EYS: variants seen among roughly 807,000 people sequenced by gnomAD.
EYS encodes the protein EGF-like photoreceptor maintenance factor.
In EYS, 250 loss-of-function variants were observed where a neutral mutation model predicts 282.1. That is an observed-to-expected ratio of 0.89 (90% CI 0.80 to 0.98). EYS has a LOEUF of 0.98. Ranked by LOEUF, EYS falls within the 50% of genes least tolerant of loss-of-function variation. The probability of loss-of-function intolerance (pLI) is 0.00; values close to 1 mark genes in which losing one functional copy is unlikely to be tolerated. For synonymous variants in EYS, 1,355 were observed against 1,282.9 expected, an observed-to-expected ratio of 1.06 and a Z score of -1.20; for missense variants, 4,016 against 3,709.0, an observed-to-expected ratio of 1.08 and a Z score of -2.15.
intron 22 of EYS, among the ~76,000 whole-genome samples, chr6:64,646,857 C>T (rs531639098): frequency 2.0e-5 from 3 of 151,224 alleles, no homozygotes; most frequent in South Asian, 2.1e-4. Flanking sequence ...TTGCATTATT[C>T]CTCATGAGCA....
intron 30 of EYS, among the ~76,000 whole-genome samples, chr6:64,296,596 A>ATTTT (rs1561913890): frequency 3.2e-4 from 2 of 6,154 alleles, no homozygotes; most frequent in African/African-American, 7.3e-4. Flanking sequence ...ATATATATAT[A>ATTTT]TATTTTTTTT....
At chr6:63,826,340 TC>T (rs1771459995) in intron 36 of EYS, among the ~76,000 whole-genome samples, 1 of 152,162 alleles carries the variant, frequency 6.6e-6, no homozygotes, top group South Asian at 2.1e-4. Context: ...AGGAAAACTT[TC>T]CCAGCCTTGC....
chr6:64,396,235 TA>T (rs1356234329), intron 28 of EYS, among the ~76,000 whole-genome samples: 1 of 152,300 alleles, frequency 6.6e-6, no homozygotes, highest in East Asian at 1.9e-4. Context: ...TGTGAAATTT[TA>T]AATTGTTGAG....
chr6:64,115,336 T>C (rs1422298693), intron 31 of EYS, among the ~76,000 whole-genome samples: 1 of 151,984 alleles, frequency 6.6e-6, no homozygotes. Flanking sequence ...GTGCTCCAAA[T>C]CCCAACTCTG....
intron 2 of EYS, among the ~76,000 whole-genome samples, chr6:65,539,964 C>A (rs895508192): frequency 6.6e-6 from 1 of 152,198 alleles, no homozygotes; most frequent in Non-Finnish European, 1.5e-5. Context: ...TAGCACGCAG[C>A]CATCTGTGAA....
intron 2 of EYS, among the ~76,000 whole-genome samples, chr6:65,573,466 T>G (rs1189476540): frequency 6.6e-6 from 1 of 152,118 alleles, no homozygotes; most frequent in Admixed American, 6.6e-5. Context: ...ACGCCACTGT[T>G]TACTCTTCTC....
At chr6:64,592,660 G>A (rs1020610727) in intron 25 of EYS, among the ~76,000 whole-genome samples, 1 of 151,958 alleles carries the variant, frequency 6.6e-6, no homozygotes, top group East Asian at 1.9e-4. Context: ...TTAAAGAATT[G>A]GACATGTAAA....
chr6:64,052,867 G>A (rs1309575630), intron 33 of EYS, among the ~76,000 whole-genome samples: 1 of 152,160 alleles, frequency 6.6e-6, no homozygotes, highest in African/African-American at 2.4e-5. Flanking sequence ...ATGACTGTAA[G>A]TTTGCTGAGG....
chr6:64,724,527 A>C (rs574478714), intron 22 of EYS, among the ~76,000 whole-genome samples: 1 of 152,356 alleles, frequency 6.6e-6, no homozygotes, highest in African/African-American at 2.4e-5. Flanking sequence ...TGTGCTGCTC[A>C]AACATCATAA....
intron 36 of EYS, among the ~76,000 whole-genome samples, chr6:63,853,137 A>G (rs1361956949): frequency 6.6e-6 from 1 of 152,230 alleles, no homozygotes; most frequent in Non-Finnish European, 1.5e-5. Flanking sequence ...GGCCAGGGCA[A>G]TAAGGCAAGA....
intron 31 of EYS, 105 bp from the exon 32 acceptor site, chr6:64,082,107 T>A: frequency 2.8e-6 from 2 of 722,122 alleles, no homozygotes; most frequent in East Asian, 2.8e-5. Context: ...AAGGTAACAC[T>A]AGTATTTAAA....
chr6:64,103,045 T>C (rs915969711), intron 31 of EYS, among the ~76,000 whole-genome samples: 1 of 152,028 alleles, frequency 6.6e-6, no homozygotes, highest in Non-Finnish European at 1.5e-5. Flanking sequence ...GGGAATATGA[T>C]AGGTAGAGAA....
chr6:63,881,207 G>T (rs1297634352), intron 35 of EYS, among the ~76,000 whole-genome samples: 1 of 152,082 alleles, frequency 6.6e-6, no homozygotes, highest in Non-Finnish European at 1.5e-5. Context: ...CCAGCAGTTT[G>T]TTATTTTTAA....
chr6:63,770,831 C>T (rs1048989538), intron 40 of EYS, among the ~76,000 whole-genome samples: 7 of 152,106 alleles, frequency 4.6e-5, no homozygotes, highest in Admixed American at 3.9e-4. Context: ...TGAACCTCAT[C>T]GTACACTGGA....
At chr6:65,667,007 G>A (rs1310221560) in intron 1 of EYS, among the ~76,000 whole-genome samples, 2 of 150,752 alleles carry the variant, frequency 1.3e-5, no homozygotes, top group African/African-American at 2.4e-5. Context: ...CAATACATAT[G>A]CCTGGAGATG....
At chr6:65,263,881 C>T (rs1410132510) in intron 12 of EYS, among the ~76,000 whole-genome samples, 1 of 151,710 alleles carries the variant, frequency 6.6e-6, no homozygotes, top group East Asian at 1.9e-4. Flanking sequence ...CACTGAACTC[C>T]AGCGTGGGCA....
chr6:65,331,025 T>A, intron 11 of EYS: 3 of 983,770 alleles, frequency 3.0e-6, no homozygotes, highest in Non-Finnish European at 2.4e-6. Context: ...CCCATTATTA[T>A]TTTTTTTCCT....
chr6:65,014,146 A>G (rs1246144908), intron 13 of EYS, among the ~76,000 whole-genome samples: 3 of 152,178 alleles, frequency 2.0e-5, no homozygotes, highest in Non-Finnish European at 2.9e-5. Flanking sequence ...GCAGCCAAGA[A>G]CACTCTAGAC....
At chr6:64,056,112 A>T (rs1770974171) in intron 33 of EYS, among the ~76,000 whole-genome samples, 2 of 152,152 alleles carry the variant, frequency 1.3e-5, no homozygotes. Context: ...CTACTTTGCA[A>T]TTCAACTTTT....
Sources: gnomAD v4.1 joint callset for allele counts (sites outside exome capture counted in the v4.1 genomes callset) on GRCh38, gnomAD v4.1.1 for gene constraint, MANE v1.5 for transcripts, NCBI Gene and HGNC (gene_info 2026-07-23, HGNC 2026-07-21) for gene names.